Variants in LRRC56 observed in about 807,000 individuals in gnomAD.
LRRC56 encodes leucine rich repeat containing 56.
A neutral mutation model predicts 47.8 loss-of-function variants in LRRC56; 41 were observed. The observed-to-expected ratio is 0.86, with a 90% CI of 0.67 to 1.11. The LOEUF is 1.11. LRRC56 is among the 50% of genes most tolerant of loss of function. LRRC56 has a pLI of 0.00. For synonymous variants in LRRC56, 387 were observed against 311.2 expected, an observed-to-expected ratio of 1.24 and a Z score of -2.56; for missense variants, 759 against 704.2, an observed-to-expected ratio of 1.08 and a Z score of -0.88.
chr11:522,059 A>G, the LRRC56 span, among the ~76,000 whole-genome samples: 1 of 152,318 alleles, frequency 6.6e-6, no homozygotes, highest in East Asian at 1.9e-4. Flanking sequence ...TAATTACATT[A>G]AATGCAAATG....
the LRRC56 span, among the ~76,000 whole-genome samples, chr11:511,117 C>A: frequency 1.3e-5 from 2 of 151,802 alleles, no homozygotes; most frequent in Non-Finnish European, 2.9e-5. Context: ...GTCAGGAGAT[C>A]GAGACCATCC....
chr11:551,768 C>A lies in LRRC56; in HGVS notation c.914C>A (p.Pro305His), dbSNP rs143185074. The part of the protein sequence containing the change: ...FSLLVRGGPL[P>H]EGLLSEDLAP... Reference sequence around the variant, plus strand: ...CTGCTGGTCCGTGGGGGCCCCCTGCCTGAAGGCCTGCTTTCTGAGGACCTG... The same window carrying A: ...CTGCTGGTCCGTGGGGGCCCCCTGCATGAAGGCCTGCTTTCTGAGGACCTG... The change falls in exon 10 of 14, where the codon CCT becomes CAT. Residue 305 changes from proline to histidine, a missense_variant. Coordinates refer to ENST00000270115, the MANE Select transcript of LRRC56 (RefSeq NM_198075.4). 5.7e-4 allele frequency: 925 copies of A among 1,610,794 alleles called. 1 individual carries two copies. Among genetic ancestry groups the A allele is most frequent in the Middle Eastern group, 1.2e-3 (7 of 6,046 alleles).
chr11:532,698 T>A (rs372936166), upstream of LRRC56: 156 of 1,613,088 alleles, frequency 9.7e-5, no homozygotes, highest in Non-Finnish European at 1.3e-4. Flanking sequence ...GGGTTCAGCT[T>A]CCGCAGCTTG....
At position 541,655 on chromosome 11, in the gene LRRC56, G is replaced by A. The variant is rs769536215; in HGVS notation, c.265+31G>A. Reference sequence around the variant, plus strand: ...CCTCTTCCCACCCCGCCATGGCCACGGCCACGGCCACGCCTCCCTGTAAAC... The same window carrying A: ...CCTCTTCCCACCCCGCCATGGCCACAGCCACGGCCACGCCTCCCTGTAAAC... On this transcript the variant is annotated intron_variant, in intron 5 of 13. Transcript: ENST00000270115. This position sits in a 1 kb window ranked among gnomAD's most constrained non-coding sequence, Gnocchi z 4.1. The A allele has an allele frequency of 1.9e-5, 25 of 1,339,610 alleles. No homozygotes were observed. Among genetic ancestry groups the A allele is most frequent in the Middle Eastern group, 1.8e-4 (1 of 5,416 alleles). 83.0% of individuals were successfully genotyped at this position (1,339,610 alleles called of 1,614,324 possible). A position where few individuals can be genotyped will look rare whatever the true frequency, so the allele number is the denominator to read the frequency against.
chr11:508,810 A>G, the LRRC56 span, among the ~76,000 whole-genome samples: 1 of 146,842 alleles, frequency 6.8e-6, no homozygotes, highest in Non-Finnish European at 1.5e-5. Flanking sequence ...TTGGGAGGCC[A>G]AGGCAGGCAG....
In LRRC56 at chr11:541,518, C is replaced by G. The variant is rs747024094; in HGVS notation, c.178-19C>G. Reference sequence around the variant, plus strand: ...GGGGAGAGCCAGGACCAGCGCTGACCCCCGGTTGGTTTCTACAGCAGGCCC... The same window carrying G: ...GGGGAGAGCCAGGACCAGCGCTGACGCCCGGTTGGTTTCTACAGCAGGCCC... On this transcript the variant is annotated intron_variant, in intron 4 of 13. Coordinates refer to ENST00000270115, the MANE Select transcript of LRRC56 (RefSeq NM_198075.4). The surrounding 1 kb of genome is among the most constrained non-coding windows in gnomAD (Gnocchi z 4.1). 5 of 1,493,112 alleles carry G rather than the reference C, an allele frequency of 3.3e-6. No homozygotes were observed. Among genetic ancestry groups the G allele is most frequent in the Non-Finnish European group, 4.5e-6 (5 of 1,101,468 alleles). 92.5% of individuals were successfully genotyped at this position (1,493,112 alleles called of 1,614,324 possible). A position where few individuals can be genotyped will look rare whatever the true frequency, so the allele number is the denominator to read the frequency against.
the LRRC56 span, among the ~76,000 whole-genome samples, chr11:513,588 G>A: frequency 6.6e-6 from 1 of 152,152 alleles, no homozygotes; most frequent in Non-Finnish European, 1.5e-5. Context: ...GGATTTTCCA[G>A]TTGTGAGAGA....
At chr11:524,358 G>A in the LRRC56 span, among the ~76,000 whole-genome samples, 10 of 152,276 alleles carry the variant, frequency 6.6e-5, no homozygotes, top group East Asian at 1.9e-4. Context: ...CTGGCCGGGC[G>A]CGGTGGCTCA....
At chr11:522,895 T>C in the LRRC56 span, among the ~76,000 whole-genome samples, 9 of 151,984 alleles carry the variant, frequency 5.9e-5, no homozygotes, top group African/African-American at 1.5e-4. Flanking sequence ...ATTACAGGCA[T>C]GTGCTTCCAC....
chr11:554,846 G>A lies in LRRC56; in HGVS notation c.*570G>A. 1 of 641,452 alleles carries A rather than the reference G, an allele frequency of 1.6e-6. No homozygotes were observed. The highest frequency in any genetic ancestry group is 2.5e-6 in the Non-Finnish European group (1 of 405,548). 39.7% of individuals were successfully genotyped at this position (641,452 alleles called of 1,614,324 possible). ...CCCGGAACCCAAACCAACATTTCCA[G>A]CTCTCAGGTGTACAGAAATGCGGTT... On this transcript the variant is annotated 3_prime_UTR_variant, in exon 14 of 14. Coordinates refer to ENST00000270115, the MANE Select transcript of LRRC56 (RefSeq NM_198075.4).
At chr11:543,756 AT>A (rs139566963) in intron 5 of LRRC56, among the ~76,000 whole-genome samples, 1 of 148,174 alleles carries the variant, frequency 6.7e-6, no homozygotes, top group African/African-American at 2.5e-5. Flanking sequence ...CCCTTCTTTT[AT>A]TTTTTTTTTG....
At chr11:515,573 C>T in the LRRC56 span, among the ~76,000 whole-genome samples, 2 of 152,214 alleles carry the variant, frequency 1.3e-5, no homozygotes, top group Non-Finnish European at 2.9e-5. Flanking sequence ...GCACAGTGCT[C>T]ACACCTGTAA....
At chr11:542,222 G>A (rs533379974) in intron 5 of LRRC56, among the ~76,000 whole-genome samples, 36 of 146,988 alleles carry the variant, frequency 2.4e-4, no homozygotes, top group African/African-American at 8.0e-4. Context: ...CAGTACCCCC[G>A]GCACGCTCAG....
At chr11:523,861 G>A in the LRRC56 span, among the ~76,000 whole-genome samples, 1 of 152,304 alleles carries the variant, frequency 6.6e-6, no homozygotes, top group Non-Finnish European at 1.5e-5. Flanking sequence ...CTGGGAGGCA[G>A]AGGTTGCAGT....
At chr11:523,626 A>G in the LRRC56 span, among the ~76,000 whole-genome samples, 1 of 101,630 alleles carries the variant, frequency 9.8e-6, no homozygotes, top group African/African-American at 3.2e-5. Context: ...GACTCCATCT[A>G]AAAAAAAAAA....
intron 12 of LRRC56, 54 bp from the exon 13 acceptor site, chr11:552,515 T>A: frequency 6.7e-7 from 1 of 1,481,886 alleles, no homozygotes; most frequent in Non-Finnish European, 9.2e-7. Flanking sequence ...TCCCTATGTG[T>A]CCTGTCCCGT....
At chr11:542,580 CAAAAAAAAAA>C (rs71022928) in intron 5 of LRRC56, among the ~76,000 whole-genome samples, 7 of 26,010 alleles carry the variant, frequency 2.7e-4, no homozygotes, top group African/African-American at 4.3e-4. Context: ...AACCCTGTCG[CAAAAAAAAAA>C]AAAAAAAAAA....
the LRRC56 span, among the ~76,000 whole-genome samples, chr11:510,124 A>C: frequency 2.6e-5 from 4 of 152,070 alleles, no homozygotes; most frequent in Admixed American, 2.0e-4. Context: ...ACGTTAGCTT[A>C]AATAGGGAGC....
At chr11:511,190 G>A in the LRRC56 span, among the ~76,000 whole-genome samples, 5 of 150,870 alleles carry the variant, frequency 3.3e-5, no homozygotes, top group African/African-American at 7.3e-5. Flanking sequence ...GCGTGGTGGC[G>A]GGCGCCTGTA....
Sources: allele counts gnomAD v4.1 joint callset (sites outside exome capture counted in the v4.1 genomes callset), GRCh38; gene constraint gnomAD v4.1.1; non-coding constraint Gnocchi (gnomAD v3.1); transcripts MANE v1.5; gene names NCBI Gene and HGNC (gene_info 2026-07-23, HGNC 2026-07-21).